GDA: variants seen among roughly 807,000 people sequenced by gnomAD.
GDA encodes the protein cytoplasmic PSD-95 interactor.
In GDA, 18 loss-of-function variants were observed where a neutral mutation model predicts 59.6. The ratio of observed to expected loss-of-function variants is 0.30; its 90% CI spans 0.21 to 0.45. The LOEUF (loss-of-function observed/expected upper bound fraction) is 0.45. GDA is among the 20% of genes least tolerant of loss of function. The probability of loss-of-function intolerance (pLI) is 1.00; values close to 1 mark genes in which losing one functional copy is unlikely to be tolerated. For missense variants in GDA, 427 were observed against 552.3 expected, an observed-to-expected ratio of 0.77 and a Z score of 2.27; for synonymous variants, 201 against 201.1, an observed-to-expected ratio of 1.00 and a Z score of 0.00.
chr9:72,214,160 A>G (rs1277276491), intron 5 of GDA, among the ~76,000 whole-genome samples, 169 bp downstream of exon 5: 3 of 152,234 alleles, frequency 2.0e-5, no homozygotes, highest in African/African-American at 7.2e-5. Flanking sequence ...TCTACAGTGA[A>G]TTTGATCAAA....
At chr9:72,231,442 G>A (rs973363819) in intron 10 of GDA, among the ~76,000 whole-genome samples, 7 of 151,948 alleles carry the variant, frequency 4.6e-5, no homozygotes, top group African/African-American at 1.7e-4. Flanking sequence ...GTGTGCGCCT[G>A]TAGTCTCAGC....
chr9:72,153,818 T>C (rs1587369756), intron 1 of GDA, among the ~76,000 whole-genome samples: 1 of 66,594 alleles, frequency 1.5e-5, no homozygotes, highest in South Asian at 6.3e-4. Flanking sequence ...TGTTGTGGGG[T>C]GGGGGGAGGG....
At chr9:72,219,358 G>C (rs1417871557) in intron 5 of GDA, 121 bp from the exon 6 acceptor site, 2 of 660,658 alleles carry the variant, frequency 3.0e-6, no homozygotes, top group Admixed American at 2.9e-5. Context: ...AGCCGAGATC[G>C]CACCACTTCA....
At chr9:72,209,665 A>T (rs1381815771) in intron 3 of GDA, among the ~76,000 whole-genome samples, 2 of 152,000 alleles carry the variant, frequency 1.3e-5, no homozygotes, top group Non-Finnish European at 2.9e-5. Flanking sequence ...CTGGACATAC[A>T]TTCATACTGT....
upstream of GDA, chr9:72,149,376 G>T: frequency 1.7e-6 from 1 of 585,304 alleles, no homozygotes; most frequent in Non-Finnish European, 2.9e-6. Flanking sequence ...GCATTGAGGA[G>T]GTAGGGAGCC....
rs1306118744 is a variant in GDA, at chr9:72,250,788, C to G, written c.*2446C>G. The G allele has an allele frequency of 6.2e-7, 1 of 1,609,138 alleles. No individual in the cohort carries two copies. Among genetic ancestry groups the G allele is most frequent in the East Asian group, 2.2e-5 (1 of 44,852 alleles). Reference sequence around the variant, plus strand: ...CACTTACCAGCCTCCTCACCCCATCCTCCACCATTTCCTTAATGTTCCATG... The same window carrying G: ...CACTTACCAGCCTCCTCACCCCATCGTCCACCATTTCCTTAATGTTCCATG... On this transcript the variant is annotated 3_prime_UTR_variant, in exon 14 of 14. Coordinates refer to ENST00000358399, the MANE Select transcript of GDA (RefSeq NM_004293.5).
intron 9 of GDA, chr9:72,229,171 TA>T (rs34554102): frequency 0.59 from 24,746 of 42,106 alleles, 6,254 homozygotes; most frequent in Admixed American, 0.67. Context: ...CAGTCTCTAC[TA>T]AAAAAAAAAA....
At chr9:72,207,327 T>G (rs1273274782) in intron 3 of GDA, among the ~76,000 whole-genome samples, 3 of 152,222 alleles carry the variant, frequency 2.0e-5, no homozygotes, top group African/African-American at 7.2e-5. Flanking sequence ...CTGTTCTGTT[T>G]TCATGTCTCT....
In GDA at chr9:72,243,241, G is replaced by A. The variant is rs544931907; in HGVS notation, c.1136-1907G>A. Among the ~76,000 whole-genome samples, 43 of 152,256 alleles carry A rather than the reference G, an allele frequency of 2.8e-4. 1 individual carries two copies. The highest frequency in any genetic ancestry group is 9.9e-4 in the African/African-American group (41 of 41,544). On this transcript the variant is annotated intron_variant, in intron 11 of 13. Transcript: ENST00000358399. ...CATTTGAGTCACTTACCAGCCCAGT[G>A]GGATCTCTGTGCAACAATTTGAATT...
chr9:72,228,163 CAGAT>C (rs1837846175), intron 9 of GDA, 123 bp downstream of exon 9: 2 of 662,830 alleles, frequency 3.0e-6, no homozygotes, highest in African/African-American at 1.8e-5. Flanking sequence ...TGGCAGGACC[CAGAT>C]AGATAGACAT....
intron 2 of GDA, among the ~76,000 whole-genome samples, chr9:72,196,777 G>A (rs1273105225): frequency 7.6e-6 from 1 of 130,868 alleles, no homozygotes; most frequent in Non-Finnish European, 1.6e-5. Context: ...GGTGTGTGAT[G>A]TTCCCTTCCC....
In GDA at chr9:72,213,802, CAAAAAA is replaced by C. The variant is rs200145454; in HGVS notation, c.473-72_473-67del. On this transcript the variant is annotated intron_variant, in intron 4 of 13. Coordinates refer to ENST00000358399, the MANE Select transcript of GDA (RefSeq NM_004293.5). ...TGGGCTAAACAGCGGGACTCCGTCT[CAAAAAA>C]AAAAAAAAAAAGAAAAAGAAAAAGT... 1.5e-3 allele frequency: 933 copies of C among 613,934 alleles called. 2 individuals are homozygous for C. Among genetic ancestry groups the C allele is most frequent in the East Asian group, 3.6e-3 (109 of 30,286 alleles). The allele number at this position is 613,934 out of a possible 1,614,324, so 38.0% of individuals were successfully genotyped here.
chr9:72,143,141 T>C (rs1239828458), intron 1 of GDA, among the ~76,000 whole-genome samples: 1 of 149,928 alleles, frequency 6.7e-6, no homozygotes. Context: ...TTTTTTTTTT[T>C]TTTTTGAGGT....
At position 72,206,685 on chromosome 9, in the gene GDA, A is replaced by G. The variant is rs561183496; in HGVS notation, c.384+3943A>G. Among the ~76,000 whole-genome samples the G allele has an allele frequency of 9.9e-5, 15 of 152,232 alleles. No homozygotes were observed. In the South Asian group the frequency reaches 3.1e-3, roughly 32 times the overall value. On this transcript the variant is annotated intron_variant, in intron 3 of 13. Transcript: ENST00000358399. Reference sequence around the variant, plus strand: ...CTACTCAGGAGGCTGAGGTGGGAGAATCTCTTGAACCCAGGAGGTGGAGGT... The same window carrying G: ...CTACTCAGGAGGCTGAGGTGGGAGAGTCTCTTGAACCCAGGAGGTGGAGGT...
At chr9:72,157,881 T>C (rs1828113832) in intron 1 of GDA, among the ~76,000 whole-genome samples, 1 of 152,224 alleles carries the variant, frequency 6.6e-6, no homozygotes. Flanking sequence ...ATTTACACCA[T>C]ATTGTATCCA....
At chr9:72,257,419 T>C (rs1386510324), downstream of GDA, 1 of 152,206 alleles carries the variant, frequency 6.6e-6, no homozygotes, top group Non-Finnish European at 1.5e-5. Flanking sequence ...AGTACATTCT[T>C]TAGAGATAGG....
chr9:72,213,614 T>C (rs954496632), intron 4 of GDA, among the ~76,000 whole-genome samples: 2 of 151,486 alleles, frequency 1.3e-5, no homozygotes, highest in Non-Finnish European at 2.9e-5. Flanking sequence ...CCATCTTGGC[T>C]AACACGGTGA....
chr9:72,254,689 C>T (rs1244395858), downstream of GDA, among the ~76,000 whole-genome samples: 2 of 152,198 alleles, frequency 1.3e-5, no homozygotes, highest in Non-Finnish European at 2.9e-5. Context: ...GTGAAATTAA[C>T]TTCTGTCCTT....
At chr9:72,189,457 C>A (rs756706303) in intron 1 of GDA, among the ~76,000 whole-genome samples, 1 of 152,026 alleles carries the variant, frequency 6.6e-6, no homozygotes. Context: ...GGATTACAGG[C>A]GTAAGCCACC....
Sources: allele counts gnomAD v4.1 joint callset (sites outside exome capture counted in the v4.1 genomes callset), GRCh38; gene constraint gnomAD v4.1.1; transcripts MANE v1.5; gene names NCBI Gene and HGNC (gene_info 2026-07-23, HGNC 2026-07-21).